The following XKR6 variants were observed in gnomAD, a reference collection of about 807,000 sequenced individuals.
XKR6 encodes XK related 6, also known as XK-related protein 6.
A neutral mutation model predicts 56.7 loss-of-function variants in XKR6; 22 were observed. The ratio of observed to expected loss-of-function variants is 0.39; its 90% CI spans 0.28 to 0.55. XKR6 has a LOEUF of 0.55. Among genes scored for constraint, XKR6 ranks in the 20% least tolerant of loss-of-function variants. The pLI, the probability that XKR6 is intolerant of heterozygous loss-of-function variation, is 0.66. For missense variants in XKR6, 852 were observed against 889.0 expected (o/e 0.96, Z 0.53); for synonymous variants, 524 against 387.8 (o/e 1.35, Z -4.13).
intron 1 of XKR6, among the ~76,000 whole-genome samples, chr8:11,084,736 C>T (rs1331704308): frequency 6.6e-6 from 1 of 152,160 alleles, no homozygotes; most frequent in Non-Finnish European, 1.5e-5. Flanking sequence ...TTGCCAGTAA[C>T]ATTTTAGCTA....
intron 1 of XKR6, among the ~76,000 whole-genome samples, chr8:11,159,654 G>C (rs778750550): frequency 6.6e-6 from 1 of 152,236 alleles, no homozygotes; most frequent in Non-Finnish European, 1.5e-5. Context: ...GGCAATCTGT[G>C]TTTTGATAAG....
At chr8:11,046,630 A>C (rs1341231235) in intron 1 of XKR6, among the ~76,000 whole-genome samples, 2 of 152,242 alleles carry the variant, frequency 1.3e-5, no homozygotes, top group African/African-American at 2.4e-5. Flanking sequence ...AAATTCTGAC[A>C]CATGCTACAA....
intron 1 of XKR6, among the ~76,000 whole-genome samples, chr8:10,957,319 C>T (rs1266649874): frequency 6.6e-6 from 1 of 152,158 alleles, no homozygotes; most frequent in African/African-American, 2.4e-5. Flanking sequence ...AGGCCTTTTC[C>T]TAGGCAACGG....
At chr8:11,129,620 A>G (rs1800001623) in intron 1 of XKR6, among the ~76,000 whole-genome samples, 1 of 152,250 alleles carries the variant, frequency 6.6e-6, no homozygotes. Flanking sequence ...CGTTTCTTAA[A>G]AGATTATATA....
intron 1 of XKR6, among the ~76,000 whole-genome samples, chr8:11,171,165 C>T (rs1025809721): frequency 2.0e-5 from 3 of 152,240 alleles, no homozygotes; most frequent in African/African-American, 7.2e-5. Flanking sequence ...AAGAAAGGAT[C>T]TGCTGAAGTG....
intron 1 of XKR6, among the ~76,000 whole-genome samples, chr8:11,118,990 G>C (rs779409468): frequency 3.9e-5 from 6 of 152,102 alleles, no homozygotes; most frequent in Non-Finnish European, 5.9e-5. Flanking sequence ...ATGTCTCTGA[G>C]AGATTCTGGT....
intron 1 of XKR6, among the ~76,000 whole-genome samples, chr8:11,037,857 C>CAA (rs61377795): frequency 6.9e-5 from 7 of 100,742 alleles, no homozygotes; most frequent in East Asian, 7.8e-4. Flanking sequence ...GACTTGGTTT[C>CAA]AAAAAAAAAA....
At chr8:10,917,266 T>C (rs976769194) in intron 2 of XKR6, among the ~76,000 whole-genome samples, 5 of 152,216 alleles carry the variant, frequency 3.3e-5, no homozygotes, top group Non-Finnish European at 7.3e-5. Flanking sequence ...GCTGTGTGAC[T>C]TGGGCAACTT....
At chr8:10,944,361 T>C (rs573366333) in intron 1 of XKR6, among the ~76,000 whole-genome samples, 8 of 152,138 alleles carry the variant, frequency 5.3e-5, no homozygotes, top group Admixed American at 1.3e-4. Flanking sequence ...ACGAGACAGG[T>C]TTCCTGCCAC....
At chr8:11,119,803 C>T (rs1038221952) in intron 1 of XKR6, among the ~76,000 whole-genome samples, 1 of 152,118 alleles carries the variant, frequency 6.6e-6, no homozygotes, top group Non-Finnish European at 1.5e-5. Context: ...TACTGGCAAA[C>T]CGAATCCAGC....
intron 1 of XKR6, among the ~76,000 whole-genome samples, chr8:11,009,168 G>T (rs1171659655): frequency 1.3e-5 from 2 of 152,046 alleles, no homozygotes; most frequent in Non-Finnish European, 2.9e-5. Flanking sequence ...AATCAATCAA[G>T]TTCCGTGTGT....
chr8:10,998,646 C>A (rs1328439237), intron 1 of XKR6, among the ~76,000 whole-genome samples: 2 of 152,166 alleles, frequency 1.3e-5, no homozygotes, highest in South Asian at 2.1e-4. Flanking sequence ...CAGCCTTGAG[C>A]CCCAGGGGAT....
chr8:11,063,809 C>T (rs1429952598), intron 1 of XKR6, among the ~76,000 whole-genome samples: 2 of 152,184 alleles, frequency 1.3e-5, no homozygotes, highest in Non-Finnish European at 2.9e-5. Flanking sequence ...TGCACCTGGC[C>T]ACAGATACTC....
intron 2 of XKR6, among the ~76,000 whole-genome samples, chr8:10,918,572 C>T (rs1800626854): frequency 6.6e-6 from 1 of 152,218 alleles, no homozygotes; most frequent in Admixed American, 6.5e-5. Context: ...TCAGCCACAG[C>T]CGTCCTTGCT....
At chr8:11,185,304 G>T (rs975493518) in intron 1 of XKR6, among the ~76,000 whole-genome samples, 7 of 152,194 alleles carry the variant, frequency 4.6e-5, no homozygotes, top group Non-Finnish European at 8.8e-5. Flanking sequence ...TTTAATGCTA[G>T]AAGTGTTTTG....
At chr8:10,930,603 AC>A (rs2129119695) in intron 1 of XKR6, among the ~76,000 whole-genome samples, 1 of 152,370 alleles carries the variant, frequency 6.6e-6, no homozygotes, top group East Asian at 1.9e-4. Context: ...ATGTACCAGA[AC>A]CAACTGGGGT....
At position 11,115,002 on chromosome 8, in the gene XKR6, C is replaced by A. The variant is rs138720766; in HGVS notation, c.764+85574G>T. Among the ~76,000 whole-genome samples the A allele has an allele frequency of 3.8e-3, 585 of 152,268 alleles. 4 individuals are homozygous for A. Among genetic ancestry groups the A allele is most frequent in the African/African-American group, 0.013 (553 of 41,562 alleles). Reference sequence around the variant, plus strand: ...TTGGTATGACAGAACGAGTTCTAAACCTCATCAGTGAGTCTGGAGTCGTCA... The same window carrying A: ...TTGGTATGACAGAACGAGTTCTAAAACTCATCAGTGAGTCTGGAGTCGTCA... On this transcript the variant is annotated intron_variant, in intron 1 of 2. Transcript: ENST00000416569.
chr8:10,984,873 C>A (rs961351712), intron 1 of XKR6, among the ~76,000 whole-genome samples: 1 of 151,508 alleles, frequency 6.6e-6, no homozygotes, highest in African/African-American at 2.4e-5. Flanking sequence ...GTTGTTGATT[C>A]TTCTTAAGGT....
At chr8:10,921,982 A>G (rs868531679) in intron 2 of XKR6, among the ~76,000 whole-genome samples, 27 of 152,322 alleles carry the variant, frequency 1.8e-4, no homozygotes, top group African/African-American at 5.5e-4. Flanking sequence ...TGAGGGCCTT[A>G]CAAAAGAGGC....
Sources: allele counts gnomAD v4.1 joint callset (sites outside exome capture counted in the v4.1 genomes callset), GRCh38; gene constraint gnomAD v4.1.1; transcripts MANE v1.5; gene names NCBI Gene and HGNC (gene_info 2026-07-23, HGNC 2026-07-21).